STXBP5L: variants seen among roughly 807,000 people sequenced by gnomAD.
STXBP5L encodes the protein syntaxin binding protein 5L, also known as syntaxin-binding protein 5-like.
In STXBP5L, 65 loss-of-function variants were observed where a neutral mutation model predicts 144.5. That is an observed-to-expected ratio of 0.45 (90% CI 0.37 to 0.55). The LOEUF is 0.55. Ranked by LOEUF, STXBP5L falls within the 20% of genes least tolerant of loss-of-function variation. The probability of loss-of-function intolerance (pLI) is 0.00; values close to 1 mark genes in which losing one functional copy is unlikely to be tolerated. For synonymous variants in STXBP5L, 505 were observed against 469.6 expected (o/e 1.08, Z -0.97); for missense variants, 1,298 against 1,405.5 (o/e 0.92, Z 1.22).
At chr3:121,255,698 T>A (rs192734886) in intron 16 of STXBP5L, among the ~76,000 whole-genome samples, 8 of 152,210 alleles carry the variant, frequency 5.3e-5, no homozygotes, top group African/African-American at 1.4e-4. Context: ...AGGTTATTTT[T>A]AATGATTTTC....
chr3:121,346,958 T>C (rs1216437862), intron 20 of STXBP5L, among the ~76,000 whole-genome samples: 3 of 152,250 alleles, frequency 2.0e-5, no homozygotes. Context: ...TTAGTTTAAT[T>C]AGATCCCATT....
intron 3 of STXBP5L, among the ~76,000 whole-genome samples, chr3:120,960,968 G>T (rs1418227352): frequency 1.3e-5 from 2 of 151,742 alleles, no homozygotes; most frequent in Non-Finnish European, 2.9e-5. Flanking sequence ...TTTGGTGAAA[G>T]ATTTTTTTTA....
At chr3:121,390,852 A>G (rs1313138982) in intron 22 of STXBP5L, among the ~76,000 whole-genome samples, 1 of 151,846 alleles carries the variant, frequency 6.6e-6, no homozygotes, top group African/African-American at 2.4e-5. Context: ...GAATCTGACA[A>G]TTATGTGTCT....
chr3:121,010,538 C>T (rs556856326), intron 3 of STXBP5L, among the ~76,000 whole-genome samples: 28 of 151,576 alleles, frequency 1.8e-4, no homozygotes, highest in Non-Finnish European at 3.7e-4. Flanking sequence ...TTCTCACTAG[C>T]AGATAATAGT....
At chr3:121,323,038 T>A (rs1377501997) in intron 20 of STXBP5L, among the ~76,000 whole-genome samples, 1 of 152,102 alleles carries the variant, frequency 6.6e-6, no homozygotes, top group Non-Finnish European at 1.5e-5. Context: ...CTTAATGGAG[T>A]TATTTGTTTT....
intron 7 of STXBP5L, among the ~76,000 whole-genome samples, chr3:121,122,758 T>C (rs925899116): frequency 5.9e-5 from 9 of 151,552 alleles, no homozygotes; most frequent in African/African-American, 2.2e-4. Flanking sequence ...CAAAGATGCT[T>C]GTAGGATAGG....
intron 3 of STXBP5L, among the ~76,000 whole-genome samples, chr3:121,033,926 ACT>A (rs1193667825): frequency 6.6e-6 from 1 of 151,984 alleles, no homozygotes; most frequent in African/African-American, 2.4e-5. Context: ...AAATATTTTA[ACT>A]CTTATTAAAA....
intron 2 of STXBP5L, among the ~76,000 whole-genome samples, chr3:120,931,425 T>C (rs1181935909): frequency 6.6e-6 from 1 of 152,192 alleles, no homozygotes; most frequent in Non-Finnish European, 1.5e-5. Context: ...ATTTTTGTCT[T>C]GCTTTATTAC....
intron 3 of STXBP5L, among the ~76,000 whole-genome samples, chr3:121,024,961 G>T (rs1001970783): frequency 2.6e-5 from 4 of 152,048 alleles, no homozygotes; most frequent in Non-Finnish European, 5.9e-5. Context: ...TTCTAATATT[G>T]TATATAACAG....
intron 3 of STXBP5L, among the ~76,000 whole-genome samples, chr3:120,966,783 C>T (rs891849857): frequency 6.6e-6 from 1 of 152,082 alleles, no homozygotes; most frequent in Non-Finnish European, 1.5e-5. Flanking sequence ...GCAGTGTGTC[C>T]GTTCTCAGAG....
chr3:121,059,944 C>G (rs962514349), intron 5 of STXBP5L, among the ~76,000 whole-genome samples: 1 of 152,114 alleles, frequency 6.6e-6, no homozygotes, highest in African/African-American at 2.4e-5. Flanking sequence ...TCCTCTCTTC[C>G]TATTTGAATA....
chr3:121,065,823 A>G (rs1318972868), intron 5 of STXBP5L, among the ~76,000 whole-genome samples: 2 of 152,158 alleles, frequency 1.3e-5, no homozygotes, highest in African/African-American at 4.8e-5. Context: ...TTTGACTGGG[A>G]AAGGATCTTT....
intron 2 of STXBP5L, among the ~76,000 whole-genome samples, chr3:120,910,874 T>G (rs1708798679): frequency 6.6e-6 from 1 of 152,178 alleles, no homozygotes; most frequent in African/African-American, 2.4e-5. Flanking sequence ...CAGATTTAAT[T>G]CTAAGCTACT....
chr3:121,076,584 G>A (rs941501668), intron 5 of STXBP5L, among the ~76,000 whole-genome samples: 4 of 152,004 alleles, frequency 2.6e-5, no homozygotes, highest in Admixed American at 2.6e-4. Context: ...AACTGATCCA[G>A]GTGCCCAGGC....
intron 7 of STXBP5L, among the ~76,000 whole-genome samples, chr3:121,137,537 A>G (rs746640945): frequency 6.6e-6 from 1 of 152,214 alleles, no homozygotes; most frequent in Non-Finnish European, 1.5e-5. Context: ...ACGTTTAACA[A>G]AATACTCAAC....
At chr3:121,207,484 G>T (rs2048383470) in intron 10 of STXBP5L, among the ~76,000 whole-genome samples, 1 of 152,074 alleles carries the variant, frequency 6.6e-6, no homozygotes, top group Non-Finnish European at 1.5e-5. Flanking sequence ...TGACAAATGG[G>T]ATCTAATTAA....
At chr3:121,369,181 C>A (rs1487837480) in intron 20 of STXBP5L, among the ~76,000 whole-genome samples, 1 of 152,100 alleles carries the variant, frequency 6.6e-6, no homozygotes, top group East Asian at 1.9e-4. Context: ...CTAAAATTGA[C>A]CAAAATTAGC....
At chr3:121,004,953 CA>C (rs1319181585) in intron 3 of STXBP5L, among the ~76,000 whole-genome samples, 5 of 152,094 alleles carry the variant, frequency 3.3e-5, no homozygotes, top group African/African-American at 1.2e-4. Flanking sequence ...TTCGGTTTGC[CA>C]GTATTTTGTT....
chr3:121,068,323 C>T (rs1375882319), intron 5 of STXBP5L, among the ~76,000 whole-genome samples: 1 of 152,190 alleles, frequency 6.6e-6, no homozygotes, highest in Non-Finnish European at 1.5e-5. Context: ...TAGTCTTATA[C>T]TTGGTGTACC....
Sources: allele counts gnomAD v4.1 joint callset (sites outside exome capture counted in the v4.1 genomes callset), GRCh38; gene constraint gnomAD v4.1.1; transcripts MANE v1.5; gene names NCBI Gene and HGNC (gene_info 2026-07-23, HGNC 2026-07-21).